KCNK16: variants seen among roughly 807,000 people sequenced by gnomAD.
KCNK16 encodes the protein potassium channel subfamily K member 16.
A neutral mutation model predicts 23.0 loss-of-function variants in KCNK16; 23 were observed. The ratio of observed to expected loss-of-function variants is 1.00; its 90% CI spans 0.72 to 1.41. The LOEUF is 1.41. Among genes scored for constraint, KCNK16 ranks in the 40% most tolerant of loss-of-function variants. The pLI, the probability that KCNK16 is intolerant of heterozygous loss-of-function variation, is 0.00. For synonymous variants in KCNK16, 145 were observed against 153.5 expected, an observed-to-expected ratio of 0.94 and a Z score of 0.41; for missense variants, 327 against 365.8, an observed-to-expected ratio of 0.89 and a Z score of 0.87.
At chr6:39,315,981 G>A (rs1042128161), downstream of KCNK16, among the ~76,000 whole-genome samples, 2 of 152,184 alleles carry the variant, frequency 1.3e-5, no homozygotes, top group Admixed American at 6.5e-5. Flanking sequence ...TGTGGCAGGG[G>A]CTCTGGGACA....
chr6:39,320,460 C>T (rs1180046876), intron 1 of KCNK16, among the ~76,000 whole-genome samples: 1 of 152,188 alleles, frequency 6.6e-6, no homozygotes, highest in Non-Finnish European at 1.5e-5. Flanking sequence ...TCTGACTTCC[C>T]AGTTTTGTGA....
Position 39,316,902 on chromosome 6 carries a change from G to C in KCNK16, c.541C>G (p.Leu181Val), listed in dbSNP as rs745326605. Reference protein sequence around the residue: ...GLALFLTLGTLVILIFPPMVF... With the variant: ...GLALFLTLGTVVILIFPPMVF... ...ATGGGTGGGAAGATGAGAATGACCA[G>C]CGTCCCCAGGGTCAGGAACAGAGCC... The change falls in exon 4 of 5, where the codon CTG (leucine) becomes GTG (valine). Residue 181 changes from leucine to valine, a missense_variant. Leu to Val is a conservative substitution (Grantham distance 32, BLOSUM62 1). Coordinates refer to ENST00000437525, the MANE Select transcript of KCNK16 (RefSeq NM_001135106.2). 2.5e-6 allele frequency: 4 copies of C among 1,614,082 alleles called. No individual in the cohort carries two copies. The South Asian group carries it at 4.4e-5, about 18-fold the overall frequency.
In KCNK16 at chr6:39,319,378, G is replaced by A. The variant is rs978860633; in HGVS notation, c.214-245C>T. On this transcript the variant is annotated intron_variant, in intron 1 of 4. Coordinates refer to ENST00000437525, the MANE Select transcript of KCNK16 (RefSeq NM_001135106.2). The surrounding 1 kb of genome is among the most constrained non-coding windows in gnomAD (Gnocchi z 4.2). ...TGTTCCACTGGCCAGGGCTGACTGA[G>A]GTGTGGGCTGCAAGCATGGGCTGGG... Among the ~76,000 whole-genome samples, 1 of 152,202 alleles carries A rather than the reference G, an allele frequency of 6.6e-6. No homozygotes were observed. The highest frequency in any genetic ancestry group is 6.5e-5 in the Admixed American group (1 of 15,286).
chr6:39,318,074 C>G, intron 2 of KCNK16, 122 bp from the exon 3 acceptor site: 1 of 947,098 alleles, frequency 1.1e-6, no homozygotes, highest in South Asian at 2.1e-5. Flanking sequence ...GGAAGCTCCC[C>G]TGTTCCCATG....
chr6:39,314,846 A>G, downstream of KCNK16: 1 of 741,328 alleles, frequency 1.3e-6, no homozygotes, highest in African/African-American at 1.8e-5. Flanking sequence ...ACCCCAAAAG[A>G]GGGACCCCAG....
At chr6:39,317,156 T>C (rs571741466) in intron 3 of KCNK16, among the ~76,000 whole-genome samples, 2 of 152,182 alleles carry the variant, frequency 1.3e-5, no homozygotes, top group Non-Finnish European at 2.9e-5. Flanking sequence ...ATTGCGTTAG[T>C]GGGTCAAGAA....
downstream of KCNK16, chr6:39,315,175 T>C (rs933957564): frequency 4.3e-6 from 7 of 1,614,210 alleles, no homozygotes; most frequent in Middle Eastern, 1.6e-4. Flanking sequence ...TGCTGTTGGA[T>C]GATGGGAGAG....
At chr6:39,316,490 C>A (rs1762322984) in intron 4 of KCNK16, 48 bp from the exon 5 acceptor site, 1 of 1,540,962 alleles carries the variant, frequency 6.5e-7, no homozygotes, top group African/African-American at 1.4e-5. Context: ...CAGGGCATAG[C>A]CACCTCCAGT....
In KCNK16 at chr6:39,316,231, G is replaced by A. The variant is rs1762304241; in HGVS notation, c.873C>T (p.Pro291=). 1.9e-6 allele frequency: 3 copies of A among 1,547,462 alleles called. No individual in the cohort carries two copies. Among genetic ancestry groups the A allele is most frequent in the African/African-American group, 1.4e-5 (1 of 72,888 alleles). ...PSGLPRPQKI[P]ISA is the part of the protein sequence containing the mutation. ...CCCCCCGGGGGCCTCATGCAGAGAT[G>A]GGGATCTTCTGAGGCCTGGGGAGCC... Residue 291 remains proline (P), a synonymous_variant, in exon 5 of 5, where the codon CCC becomes CCT. Transcript: ENST00000437525.
chr6:39,322,284 C>T (rs1463848051), intron 1 of KCNK16, 44 bp downstream of exon 1: 1 of 1,585,290 alleles, frequency 6.3e-7, no homozygotes, highest in Non-Finnish European at 8.6e-7. Flanking sequence ...TTCCACCAAC[C>T]TTCCCAAGCC....
intron 4 of KCNK16, 45 bp from the exon 5 acceptor site, chr6:39,316,487 T>C (rs1460221419): frequency 1.3e-6 from 2 of 1,547,692 alleles, no homozygotes; most frequent in South Asian, 2.5e-5. Flanking sequence ...TCTCAGGGCA[T>C]AGCCACCTCC....
intron 3 of KCNK16, 64 bp from the exon 4 acceptor site, chr6:39,317,011 G>C: frequency 6.6e-7 from 1 of 1,508,580 alleles, no homozygotes; most frequent in East Asian, 2.3e-5. Context: ...TGAGGTTGGG[G>C]GGAGTCTGGG....
rs909417720 is a variant in KCNK16, at chr6:39,320,448, G to A, written c.214-1315C>T. 1.2e-4 allele frequency among the ~76,000 whole-genome samples: 18 copies of A among 152,198 alleles called. 1 individual carries two copies. Among genetic ancestry groups the A allele is most frequent in the African/African-American group, 4.1e-4 (17 of 41,454 alleles). On this transcript the variant is annotated intron_variant, in intron 1 of 4. Coordinates refer to ENST00000437525, the MANE Select transcript of KCNK16 (RefSeq NM_001135106.2). Reference sequence around the variant, plus strand: ...GGTGGGCGGATGCAGGTGGCCATGGGTTCTGACTTCCCAGTTTTGTGAACC... The same window carrying A: ...GGTGGGCGGATGCAGGTGGCCATGGATTCTGACTTCCCAGTTTTGTGAACC...
In KCNK16 at chr6:39,319,231, A is replaced by T; in HGVS notation, c.214-98T>A. ...TGGCAGCATGCTTTTGTGTCATCTC[A>T]TCTAATGATACTCTTAGATGATATT... is the stretch of plus-strand genomic sequence containing the variant. On this transcript the variant is annotated intron_variant, in intron 1 of 4. Transcript: ENST00000437525. The surrounding 1 kb of genome is among the most constrained non-coding windows in gnomAD (Gnocchi z 4.2). 1 of 729,108 alleles carries T rather than the reference A, an allele frequency of 1.4e-6. No homozygotes were observed. Among genetic ancestry groups the T allele is most frequent in the Non-Finnish European group, 2.5e-6 (1 of 400,492 alleles). 45.2% of individuals were successfully genotyped at this position (729,108 alleles called of 1,614,324 possible).
Position 39,319,338 on chromosome 6 carries a change from G to A in KCNK16, c.214-205C>T, listed in dbSNP as rs114340167. 0.021 allele frequency among the ~76,000 whole-genome samples: 3,130 copies of A among 151,964 alleles called. 61 individuals are homozygous for A. Among genetic ancestry groups the A allele is most frequent in the Non-Finnish European group, 0.028 (1,880 of 68,040 alleles). The stretch of plus-strand genomic sequence containing the variant: ...AAGGTGACTGGACTCCAACTCCAGT[G>A]TCTGTTCCACTGTCTGTTCCACTGG... On this transcript the variant is annotated intron_variant, in intron 1 of 4. Transcript: ENST00000437525. The surrounding 1 kb of genome is among the most constrained non-coding windows in gnomAD (Gnocchi z 4.2).
Position 39,322,389 on chromosome 6 carries a change from T to C in KCNK16, c.152A>G (p.Lys51Arg). ...GGTGTAGTTCTCCAGGAAGCGCAGCTTCTCCAACTGAAACTGGTCCCTGGA... is the reference window on the plus strand; with the variant it reads ...GGTGTAGTTCTCCAGGAAGCGCAGCCTCTCCAACTGAAACTGGTCCCTGGA... Reference protein sequence around the residue: ...AQSRDQFQLEKLRFLENYTCL... With the variant: ...AQSRDQFQLERLRFLENYTCL... The change falls in exon 1 of 5, where the codon AAG (lysine) becomes AGG (arginine). Residue 51 changes from lysine (K) to arginine (R), a missense_variant. Physicochemically the swap from Lys to Arg is conservative, Grantham distance 26. Coordinates refer to ENST00000437525, the MANE Select transcript of KCNK16 (RefSeq NM_001135106.2). 6.2e-7 allele frequency: 1 copy of C among 1,614,176 alleles called. No homozygotes were observed. Among genetic ancestry groups the C allele is most frequent in the Non-Finnish European group, 8.5e-7 (1 of 1,180,028 alleles).
At position 39,316,287 on chromosome 6, in the gene KCNK16, C is replaced by G. The variant is rs185274513; in HGVS notation, c.817G>C (p.Val273Leu). The change falls in exon 5 of 5, where the codon GTC becomes CTC. Residue 273 changes from valine to leucine, a missense_variant. Val to Leu is a conservative substitution (Grantham distance 32). Coordinates refer to ENST00000437525, the MANE Select transcript of KCNK16 (RefSeq NM_001135106.2). The part of the protein sequence containing the change: ...QLWLLSRGLG[V>L]KDGAASDPSG... Reference sequence around the variant, plus strand: ...GGGTCAGAGGCTGCCCCATCCTTGACGCCGAGGCCCCTACTGAGCAGCCAG... The same window carrying G: ...GGGTCAGAGGCTGCCCCATCCTTGAGGCCGAGGCCCCTACTGAGCAGCCAG... 6.3e-7 allele frequency: 1 copy of G among 1,597,844 alleles called. No individual in the cohort carries two copies.
chr6:39,318,684 T>G (rs1283847771), intron 2 of KCNK16, among the ~76,000 whole-genome samples: 2 of 152,150 alleles, frequency 1.3e-5, no homozygotes, highest in African/African-American at 4.8e-5. Context: ...GGGGAACTAA[T>G]ATACTCGGGA....
chr6:39,316,168 A>G, downstream of KCNK16: 1 of 1,457,954 alleles, frequency 6.9e-7, no homozygotes, highest in Non-Finnish European at 9.1e-7. Context: ...GAGAGCAGAT[A>G]GGGTGGGACT....
Sources: gnomAD v4.1 joint callset for allele counts (sites outside exome capture counted in the v4.1 genomes callset) on GRCh38, gnomAD v4.1.1 for gene constraint, Gnocchi (gnomAD v3.1) non-coding constraint, MANE v1.5 for transcripts, NCBI Gene and HGNC (gene_info 2026-07-23, HGNC 2026-07-21) for gene names.